YARS1: variants seen among roughly 807,000 people sequenced by gnomAD.
YARS1 encodes the protein tyrosyl-tRNA synthetase 1.
YARS1 carries 36 observed loss-of-function variants against 62.2 expected under a neutral mutation model. The ratio of observed to expected loss-of-function variants is 0.58; its 90% CI spans 0.44 to 0.76. The LOEUF is 0.76. YARS1 is among the 30% of genes least tolerant of loss of function. The pLI, the probability that YARS1 is intolerant of heterozygous loss-of-function variation, is 0.00. For synonymous variants in YARS1, 234 were observed against 244.9 expected (o/e 0.96, Z 0.42); for missense variants, 524 against 639.8 (o/e 0.82, Z 1.95).
chr1:32,813,197 A>C (rs973923379), intron 1 of YARS1, among the ~76,000 whole-genome samples: 1 of 152,006 alleles, frequency 6.6e-6, no homozygotes, highest in East Asian at 2.0e-4. Context: ...CAAAATGTAT[A>C]AAACGAAGCT....
chr1:32,785,496 T>C (rs562930607), intron 8 of YARS1, among the ~76,000 whole-genome samples: 1 of 151,682 alleles, frequency 6.6e-6, no homozygotes, highest in Non-Finnish European at 1.5e-5. Context: ...CAGAGCCCTG[T>C]AGCATATAAC....
intron 5 of YARS1, chr1:32,797,489 G>A (rs1052846901): frequency 9.6e-6 from 5 of 519,366 alleles, no homozygotes; most frequent in African/African-American, 9.6e-5. Context: ...TAGGAAAGGA[G>A]TAAATCCAAC....
At chr1:32,806,328 C>T (rs1409300398) in intron 4 of YARS1, among the ~76,000 whole-genome samples, 154 bp downstream of exon 4, 1 of 152,228 alleles carries the variant, frequency 6.6e-6, no homozygotes, top group Non-Finnish European at 1.5e-5. Flanking sequence ...AAAAATGGTG[C>T]TGGTGGACTT....
chr1:32,786,917 A>C, intron 7 of YARS1, 23 bp downstream of exon 7: 1 of 1,613,890 alleles, frequency 6.2e-7, no homozygotes, highest in Non-Finnish European at 8.5e-7. Flanking sequence ...CCTGGCCTCT[A>C]GGAAGAAAAC....
At chr1:32,808,093 G>A (rs1638503016) in intron 3 of YARS1, among the ~76,000 whole-genome samples, 1 of 151,996 alleles carries the variant, frequency 6.6e-6, no homozygotes, top group South Asian at 2.1e-4. Context: ...TTTTAGTAGA[G>A]ATGAGGTCTC....
At chr1:32,791,357 G>T in intron 5 of YARS1, 103 bp from the exon 6 acceptor site, 2 of 905,150 alleles carry the variant, frequency 2.2e-6, no homozygotes, top group Non-Finnish European at 3.7e-6. Flanking sequence ...TTGTTATATT[G>T]CTTCCAATCT....
At chr1:32,803,000 T>G (rs1638341171) in intron 4 of YARS1, among the ~76,000 whole-genome samples, 1 of 94,574 alleles carries the variant, frequency 1.1e-5, no homozygotes, top group Non-Finnish European at 2.2e-5. Flanking sequence ...TTTTTTTTTT[T>G]GAGACAGAGT....
In YARS1 at chr1:32,780,665, C is replaced by T. The variant is rs1653022667; in HGVS notation, c.1140+383G>A. The T allele has an allele frequency of 1.2e-5, 5 of 413,108 alleles. No homozygotes were observed. In the Admixed American group the frequency reaches 1.8e-4, roughly 15 times the overall value. 25.6% of individuals were successfully genotyped at this position (413,108 alleles called of 1,614,324 possible). On this transcript the variant is annotated intron_variant, in intron 10 of 12. Transcript: ENST00000373477. ...GGTCCCAGGCCACTGGGTGCATAAC[C>T]TTCTGTCTCTGGGAAAAAGGAAGTC...
At chr1:32,802,104 C>T (rs545543491) in intron 4 of YARS1, among the ~76,000 whole-genome samples, 14 of 151,994 alleles carry the variant, frequency 9.2e-5, no homozygotes, top group African/African-American at 2.7e-4. Context: ...CCCGCCACTA[C>T]GCCCGGCTAA....
chr1:32,798,669 G>T (rs1245493707), intron 4 of YARS1, among the ~76,000 whole-genome samples: 2 of 152,000 alleles, frequency 1.3e-5, no homozygotes, highest in African/African-American at 4.8e-5. Context: ...CAAACAAAAA[G>T]AAATTAGCCA....
At chr1:32,811,833 C>A (rs1254875239) in intron 1 of YARS1, among the ~76,000 whole-genome samples, 1 of 151,840 alleles carries the variant, frequency 6.6e-6, no homozygotes, top group Non-Finnish European at 1.5e-5. Flanking sequence ...TGGGGACATG[C>A]CCCTAACTGC....
At chr1:32,789,688 A>G (rs1000329027) in intron 6 of YARS1, among the ~76,000 whole-genome samples, 1 of 151,732 alleles carries the variant, frequency 6.6e-6, no homozygotes. Flanking sequence ...TCCTGGGTTC[A>G]AGCAATTCTC....
In YARS1 at chr1:32,797,250, T is replaced by C. The variant is rs561457095; in HGVS notation, c.591+513A>G. Among the ~76,000 whole-genome samples the C allele has an allele frequency of 1.9e-4, 29 of 151,140 alleles. No individual in the cohort carries two copies. In the East Asian group the frequency reaches 5.5e-3, roughly 28 times the overall value. On this transcript the variant is annotated intron_variant, in intron 5 of 12. Transcript: ENST00000373477. ...ACCCGGGTGTTGTGGCATGCACCTG[T>C]GGTCCCAGCTACTTGGGAGGCTGAG... is the stretch of plus-strand genomic sequence containing the variant.
At chr1:32,789,263 C>T (rs1021494616) in intron 6 of YARS1, among the ~76,000 whole-genome samples, 7 of 152,118 alleles carry the variant, frequency 4.6e-5, no homozygotes, top group African/African-American at 1.7e-4. Flanking sequence ...CAGTCTTTTC[C>T]CTTCTCTAGA....
At chr1:32,787,760 C>T (rs932998508) in intron 6 of YARS1, among the ~76,000 whole-genome samples, 10 of 152,156 alleles carry the variant, frequency 6.6e-5, no homozygotes, top group East Asian at 3.9e-4. Flanking sequence ...TGATCTGCCC[C>T]GCCTTGGCCT....
Position 32,781,141 on chromosome 1 carries a change from T to C in YARS1, c.1047A>G (p.Pro349=), listed in dbSNP as rs1179552355. The C allele has an allele frequency of 1.2e-6, 2 of 1,614,014 alleles. No homozygotes were observed. The highest frequency in any genetic ancestry group is 1.3e-5 in the African/African-American group (1 of 75,050). ...AAYPDPSKQK[P]MAKGPAKNSE... Reference sequence around the variant, plus strand: ...AATTCTTGGCAGGGCCTTTGGCCATTGGCTCTGGGAATGAGAAGAACCCCA... The same window carrying C: ...AATTCTTGGCAGGGCCTTTGGCCATCGGCTCTGGGAATGAGAAGAACCCCA... The change falls in exon 10 of 13, where the codon CCA becomes CCG. Residue 349 remains proline (P), a synonymous_variant. Transcript: ENST00000373477.
chr1:32,788,769 G>A (rs1230464613), intron 6 of YARS1, among the ~76,000 whole-genome samples: 1 of 151,986 alleles, frequency 6.6e-6, no homozygotes, highest in Non-Finnish European at 1.5e-5. Flanking sequence ...GTCTCACTGT[G>A]TTGCCCAGGA....
At chr1:32,786,507 T>C in intron 7 of YARS1, 60 bp from the exon 8 acceptor site, 3 of 1,008,168 alleles carry the variant, frequency 3.0e-6, no homozygotes, top group South Asian at 4.0e-5. Context: ...CTCACATGCA[T>C]GACTATTCCT....
Position 32,782,741 on chromosome 1 carries a change from T to C in YARS1, c.907-202A>G, listed in dbSNP as rs964800367. The stretch of plus-strand genomic sequence containing the variant: ...ATCCAAGTCTTTTGATTCTGAAATC[T>C]ATACTAACTTGAGGGTGTTTAGGAG... On this transcript the variant is annotated intron_variant, in intron 8 of 12. Coordinates refer to ENST00000373477, the MANE Select transcript of YARS1 (RefSeq NM_003680.4). 2.0e-5 allele frequency: 13 copies of C among 652,420 alleles called. No individual in the cohort carries two copies. The East Asian group carries it at 3.4e-4, about 17-fold the overall frequency. The allele number at this position is 652,420 out of a possible 1,614,324, so 40.4% of individuals were successfully genotyped here.
Sources: allele counts gnomAD v4.1 joint callset (sites outside exome capture counted in the v4.1 genomes callset), GRCh38; gene constraint gnomAD v4.1.1; transcripts MANE v1.5; gene names NCBI Gene and HGNC (gene_info 2026-07-23, HGNC 2026-07-21).